The following ARFIP1 variants were observed in gnomAD, a reference collection of about 807,000 sequenced individuals.
ARFIP1 encodes the protein ARF interacting protein 1.
ARFIP1 carries 24 observed loss-of-function variants against 42.5 expected under a neutral mutation model. The observed-to-expected ratio is 0.57, with a 90% CI of 0.41 to 0.80. The LOEUF is 0.80. ARFIP1 is among the 30% of genes least tolerant of loss of function. ARFIP1 has a pLI of 0.00. For missense variants in ARFIP1, 354 were observed against 434.0 expected (o/e 0.82, Z 1.64); for synonymous variants, 141 against 153.7 (o/e 0.92, Z 0.61).
intron 1 of ARFIP1, among the ~76,000 whole-genome samples, chr4:152,816,062 A>G (rs1160225746): frequency 6.6e-6 from 1 of 152,110 alleles, no homozygotes. Context: ...ACTTCTTTAC[A>G]TCCTCAGCTA....
chr4:152,809,517 G>C (rs1729281496), intron 1 of ARFIP1, among the ~76,000 whole-genome samples: 1 of 152,188 alleles, frequency 6.6e-6, no homozygotes, highest in Non-Finnish European at 1.5e-5. Context: ...GTAGTTCTGA[G>C]ATGCAGAGGG....
At chr4:152,799,073 G>A (rs1578820494) in intron 1 of ARFIP1, among the ~76,000 whole-genome samples, 1 of 152,110 alleles carries the variant, frequency 6.6e-6, no homozygotes, top group African/African-American at 2.4e-5. Flanking sequence ...ATCAGTTGAC[G>A]CTCTGATCTT....
At chr4:152,831,572 A>G (rs1240262035) in intron 2 of ARFIP1, among the ~76,000 whole-genome samples, 1 of 152,230 alleles carries the variant, frequency 6.6e-6, no homozygotes, top group Admixed American at 6.5e-5. Flanking sequence ...AGGCTTCCTT[A>G]TGCCCTCTAG....
intron 1 of ARFIP1, among the ~76,000 whole-genome samples, chr4:152,786,779 A>G (rs933516532): frequency 1.3e-5 from 2 of 152,154 alleles, no homozygotes; most frequent in Non-Finnish European, 2.9e-5. Flanking sequence ...ATAACTCTCC[A>G]GTTCAACCAT....
rs1188892787 is a variant in ARFIP1 at position 152,872,577 on chromosome 4, T to A, written c.411+13T>A. 2 of 1,488,078 alleles carry A rather than the reference T, an allele frequency of 1.3e-6. No individual in the cohort carries two copies. 92.2% of individuals were successfully genotyped at this position (1,488,078 alleles called of 1,614,324 possible). On this transcript the variant is annotated intron_variant, in intron 5 of 8. Transcript: ENST00000353617. ...AAACACCTATAAGGTTTGTAATTAT[T>A]TAATGTTTCCACCCTAAATGGCTCT...
intron 8 of ARFIP1, among the ~76,000 whole-genome samples, chr4:152,900,515 T>C (rs1007048410): frequency 5.9e-5 from 9 of 152,310 alleles, no homozygotes; most frequent in African/African-American, 2.2e-4. Flanking sequence ...AGTTCATATT[T>C]GTCTTTCCTT....
At chr4:152,785,776 T>G (rs765008177) in intron 1 of ARFIP1, among the ~76,000 whole-genome samples, 12 of 152,242 alleles carry the variant, frequency 7.9e-5, no homozygotes, top group Non-Finnish European at 2.9e-5. Context: ...CTGCACTGTC[T>G]AATGCCAGGG....
chr4:152,866,186 G>A (rs1050009511), intron 3 of ARFIP1, among the ~76,000 whole-genome samples: 2 of 152,166 alleles, frequency 1.3e-5, no homozygotes, highest in Admixed American at 6.5e-5. Flanking sequence ...AGGGTTGGGG[G>A]TAAGGTCATA....
chr4:152,880,643 A>G (rs1036282530), intron 5 of ARFIP1, among the ~76,000 whole-genome samples: 2 of 152,240 alleles, frequency 1.3e-5, no homozygotes, highest in Non-Finnish European at 2.9e-5. Context: ...TTAACAGTCT[A>G]TATTAGTCTT....
chr4:152,829,064 C>T (rs533774515), intron 1 of ARFIP1, among the ~76,000 whole-genome samples: 1 of 152,342 alleles, frequency 6.6e-6, no homozygotes, highest in Non-Finnish European at 1.5e-5. Flanking sequence ...GCTCCCTGTT[C>T]CACTGACCTA....
At chr4:152,806,334 C>G (rs1728992126) in intron 1 of ARFIP1, among the ~76,000 whole-genome samples, 1 of 152,110 alleles carries the variant, frequency 6.6e-6, no homozygotes, top group Non-Finnish European at 1.5e-5. Context: ...TCTTTTGCTG[C>G]TGGGTTGTGG....
chr4:152,863,912 G>A (rs1048399844), intron 3 of ARFIP1, among the ~76,000 whole-genome samples, 198 bp downstream of exon 3: 5 of 152,040 alleles, frequency 3.3e-5, no homozygotes, highest in African/African-American at 1.2e-4. Flanking sequence ...ACAGATCAAT[G>A]TACATGATAT....
intron 2 of ARFIP1, among the ~76,000 whole-genome samples, chr4:152,839,700 A>G (rs1273382846): frequency 3.3e-5 from 5 of 152,126 alleles, no homozygotes; most frequent in South Asian, 4.1e-4. Flanking sequence ...CTAATGGTCT[A>G]TCAATTTTAT....
At chr4:152,840,783 A>G (rs1237144329) in intron 2 of ARFIP1, among the ~76,000 whole-genome samples, 2 of 148,602 alleles carry the variant, frequency 1.3e-5, no homozygotes, top group Non-Finnish European at 3.0e-5. Context: ...CAATGGCGCA[A>G]TCTCGGCTCA....
intron 1 of ARFIP1, among the ~76,000 whole-genome samples, chr4:152,793,959 T>C (rs1731280975): frequency 6.6e-6 from 1 of 152,200 alleles, no homozygotes; most frequent in African/African-American, 2.4e-5. Context: ...AGAGATTTTC[T>C]TCTTTTATTT....
intron 2 of ARFIP1, among the ~76,000 whole-genome samples, chr4:152,844,204 GTGTT>G (rs1732354046): frequency 6.6e-6 from 1 of 152,202 alleles, no homozygotes; most frequent in African/African-American, 2.4e-5. Flanking sequence ...CAGTGGGAGT[GTGTT>G]TGGGAGAGGA....
intron 3 of ARFIP1, 49 bp downstream of exon 3, chr4:152,863,763 A>G: frequency 8.3e-7 from 1 of 1,211,102 alleles, no homozygotes; most frequent in East Asian, 2.4e-5. Flanking sequence ...GGATGGGAGA[A>G]GTTCACCAAA....
chr4:152,888,298 A>G lies in ARFIP1; in HGVS notation c.957A>G (p.Glu319=). The G allele has an allele frequency of 3.1e-6, 5 of 1,601,920 alleles. No homozygotes were observed. The highest frequency in any genetic ancestry group is 1.1e-5 in the South Asian group (1 of 89,476). The change falls in exon 8 of 9, where the codon GAA becomes GAG. Residue 319 remains glutamate, a synonymous_variant. Transcript: ENST00000353617. ...NDVSVKLKFL[E]ENKVKVLHNQ... The stretch of plus-strand genomic sequence containing the variant: ...TTTCTGTCAAATTGAAATTTCTAGA[A>G]GAAAATAAGGTAAATTCTTTACCTT...
chr4:152,888,246 A>G lies in ARFIP1; in HGVS notation c.905A>G (p.Glu302Gly), dbSNP rs758754009. The change falls in exon 8 of 9, where the codon GAA becomes GGA. Residue 302 changes from glutamate to glycine, a missense_variant. By Grantham distance (98) the Glu-to-Gly change is moderately conservative (BLOSUM62 -2). Transcript: ENST00000353617. ...CAGCATCTCTTCCAAGCACATAAGG[A>G]AAAATATGATAAAATGCGCAATGAT... The part of the protein sequence containing the change: ...QSQHLFQAHK[E>G]KYDKMRNDVS... 1 of 1,610,306 alleles carries G rather than the reference A, an allele frequency of 6.2e-7. No individual in the cohort carries two copies. Among genetic ancestry groups the G allele is most frequent in the Admixed American group, 1.7e-5 (1 of 59,176 alleles).
Sources: gnomAD v4.1 joint callset for allele counts (sites outside exome capture counted in the v4.1 genomes callset) on GRCh38, gnomAD v4.1.1 for gene constraint, MANE v1.5 for transcripts, NCBI Gene and HGNC (gene_info 2026-07-23, HGNC 2026-07-21) for gene names.